Variants in SSH2 observed in about 807,000 individuals in gnomAD.
SSH2 encodes protein phosphatase Slingshot homolog 2.
In SSH2, 37 loss-of-function variants were observed where a neutral mutation model predicts 135.2. That is an observed-to-expected ratio of 0.27 (90% confidence interval 0.21 to 0.36). The LOEUF is 0.36. Among genes scored for constraint, SSH2 ranks in the 10% least tolerant of loss-of-function variants. The pLI is 1.00. For missense variants in SSH2, 1,408 were observed against 1,765.3 expected (o/e 0.80, Z 3.63); for synonymous variants, 628 against 646.2 (o/e 0.97, Z 0.43).
rs766838290 is a variant in SSH2, at chr17:29,629,792, T to C, written c.*1049A>G. The C allele has an allele frequency of 2.4e-4, 37 of 152,506 alleles. 1 individual carries two copies. Among genetic ancestry groups the C allele is most frequent in the East Asian group, 1.9e-4 (1 of 5,182 alleles). The allele number at this position is 152,506 out of a possible 1,614,324, so 9.4% of individuals were successfully genotyped here. On this transcript the variant is annotated 3_prime_UTR_variant, in exon 16 of 16. Transcript: ENST00000540801. ...TTAAACATATGTAACAATTCAAATA[T>C]AATCTATGAAATTTAAAAAAATAGG...
chr17:29,693,940 T>G (rs1471482843), intron 5 of SSH2, among the ~76,000 whole-genome samples: 1 of 152,214 alleles, frequency 6.6e-6, no homozygotes, highest in African/African-American at 2.4e-5. Context: ...CCTGTAATGT[T>G]TCACAAGTGC....
intron 1 of SSH2, among the ~76,000 whole-genome samples, chr17:29,922,369 T>C (rs2066990409): frequency 6.9e-6 from 1 of 145,256 alleles, no homozygotes; most frequent in South Asian, 2.4e-4. Context: ...ATATTTGTAA[T>C]ACATCGAGGG....
chr17:29,769,294 A>G (rs999448768), intron 3 of SSH2, among the ~76,000 whole-genome samples: 1 of 152,172 alleles, frequency 6.6e-6, no homozygotes, highest in Admixed American at 6.5e-5. Flanking sequence ...GAAAAGGTCT[A>G]TTGCCAACAG....
chr17:29,698,205 T>C (rs2038838708), intron 4 of SSH2, among the ~76,000 whole-genome samples: 1 of 152,082 alleles, frequency 6.6e-6, no homozygotes, highest in South Asian at 2.1e-4. Context: ...AAATAGGGAG[T>C]GCCTGCTAAT....
At chr17:29,633,155 CTCTACTA>C (rs2035761183) in intron 15 of SSH2, among the ~76,000 whole-genome samples, 1 of 152,146 alleles carries the variant, frequency 6.6e-6, no homozygotes, top group Admixed American at 6.6e-5. Flanking sequence ...TTGTGTTACT[CTCTACTA>C]AACTTTCTGT....
At chr17:29,849,855 A>AAG (rs2065519432) in intron 1 of SSH2, among the ~76,000 whole-genome samples, 1 of 97,098 alleles carries the variant, frequency 1.0e-5, no homozygotes, top group Non-Finnish European at 1.9e-5. Flanking sequence ...AAAAAAAAAA[A>AAG]GTATATATAT....
chr17:29,890,600 A>G (rs1162962147), intron 1 of SSH2, among the ~76,000 whole-genome samples: 1 of 152,134 alleles, frequency 6.6e-6, no homozygotes, highest in African/African-American at 2.4e-5. Context: ...AGAGACAGAG[A>G]TTAGTGTTTG....
intron 5 of SSH2, 35 bp from the exon 6 acceptor site, chr17:29,684,719 T>C: frequency 2.5e-6 from 4 of 1,592,780 alleles, no homozygotes; most frequent in Non-Finnish European, 3.4e-6. Context: ...AATTATGAAA[T>C]TTAGGACATT....
At chr17:29,742,194 C>G (rs913511525) in intron 3 of SSH2, among the ~76,000 whole-genome samples, 11 of 151,892 alleles carry the variant, frequency 7.2e-5, no homozygotes, top group Non-Finnish European at 1.3e-4. Context: ...CTTGGCCTCC[C>G]AAAGTGCTGG....
intron 3 of SSH2, among the ~76,000 whole-genome samples, chr17:29,740,491 C>T (rs1011467932): frequency 6.7e-6 from 1 of 150,246 alleles, no homozygotes; most frequent in African/African-American, 2.5e-5. Flanking sequence ...CCTATGGATA[C>T]TGTTTAGATC....
At chr17:29,725,929 G>A (rs2039989857) in intron 3 of SSH2, among the ~76,000 whole-genome samples, 1 of 152,120 alleles carries the variant, frequency 6.6e-6, no homozygotes, top group African/African-American at 2.4e-5. Flanking sequence ...AAAAAAGCCA[G>A]GGAATCAATA....
At chr17:29,784,363 C>T (rs1192192545) in intron 3 of SSH2, among the ~76,000 whole-genome samples, 2 of 146,164 alleles carry the variant, frequency 1.4e-5, no homozygotes, top group Non-Finnish European at 1.5e-5. Flanking sequence ...CCACCCTGGG[C>T]GACAGACCAA....
chr17:29,713,230 G>A (rs910378425), intron 3 of SSH2, among the ~76,000 whole-genome samples: 3 of 151,854 alleles, frequency 2.0e-5, no homozygotes, highest in Non-Finnish European at 4.4e-5. Flanking sequence ...AGCTACTCGG[G>A]AGGCTGAGGC....
rs141430937 is a variant in SSH2, at chr17:29,815,512, C to T, written c.145-21575G>A. On this transcript the variant is annotated intron_variant, in intron 2 of 15. Transcript: ENST00000540801. ...CTGACCTCAGCTGATCTGCCTGCCT[C>T]GGCCTCCCGAAGTGCTGAGATTACA... is the stretch of plus-strand genomic sequence containing the variant. Among the ~76,000 whole-genome samples, 146 of 152,284 alleles carry T rather than the reference C, an allele frequency of 9.6e-4. No individual in the cohort carries two copies. The East Asian group carries it at 0.023, about 24-fold the overall frequency.
At chr17:29,872,867 G>C (rs540252183) in intron 1 of SSH2, among the ~76,000 whole-genome samples, 13 of 151,710 alleles carry the variant, frequency 8.6e-5, no homozygotes, top group African/African-American at 3.2e-4. Flanking sequence ...GTGGTGCCGC[G>C]TGCCTATAAT....
At chr17:29,834,239 T>C (rs1380542684) in intron 2 of SSH2, among the ~76,000 whole-genome samples, 1 of 152,038 alleles carries the variant, frequency 6.6e-6, no homozygotes, top group Non-Finnish European at 1.5e-5. Flanking sequence ...AAATATTCAA[T>C]AGTTCTCATA....
At chr17:29,690,174 C>A (rs550580256) in intron 5 of SSH2, among the ~76,000 whole-genome samples, 3 of 152,010 alleles carry the variant, frequency 2.0e-5, no homozygotes, top group African/African-American at 7.2e-5. Context: ...GAAGCCAAGG[C>A]GGGCAGATCA....
chr17:29,745,300 C>T (rs1314069217), intron 3 of SSH2, among the ~76,000 whole-genome samples: 2 of 152,010 alleles, frequency 1.3e-5, no homozygotes, highest in African/African-American at 4.8e-5. Context: ...GCGGGGATTA[C>T]AGGCGCCCAT....
chr17:29,861,473 G>A (rs375484121), intron 1 of SSH2, among the ~76,000 whole-genome samples: 29 of 151,930 alleles, frequency 1.9e-4, no homozygotes, highest in East Asian at 3.9e-4. Context: ...TTAATTTCTC[G>A]TTTACTATGT....
Sources: gnomAD v4.1 joint callset for allele counts (sites outside exome capture counted in the v4.1 genomes callset) on GRCh38, gnomAD v4.1.1 for gene constraint, MANE v1.5 for transcripts, NCBI Gene and HGNC (gene_info 2026-07-23, HGNC 2026-07-21) for gene names.